Variants in KDM2A observed in about 807,000 individuals in gnomAD.
KDM2A encodes the protein lysine-specific demethylase 2A.
Under a neutral mutation model 137.3 loss-of-function variants are expected in KDM2A, and 3 were observed. The ratio of observed to expected loss-of-function variants is 0.02; its 90% confidence interval spans 0.01 to 0.06. The LOEUF (loss-of-function observed/expected upper bound fraction) is 0.06, where lower values mean the gene tolerates loss of function less well. KDM2A is among the 10% of genes least tolerant of loss of function. The pLI, the probability that KDM2A is intolerant of heterozygous loss-of-function variation, is 1.00. For missense variants in KDM2A, 738 were observed against 1,510.6 expected (o/e 0.49, Z 8.48); for synonymous variants, 512 against 541.5 (o/e 0.95, Z 0.76).
intron 8 of KDM2A, among the ~76,000 whole-genome samples, chr11:67,216,501 T>A (rs572089768): frequency 1.3e-5 from 2 of 152,352 alleles, no homozygotes; most frequent in Non-Finnish European, 2.9e-5. Context: ...AGAATGGAAA[T>A]CTAGAATTAA....
intron 2 of KDM2A, among the ~76,000 whole-genome samples, chr11:67,168,620 C>T (rs1031488553): frequency 0.026 from 3,464 of 133,680 alleles, 540 homozygotes; most frequent in African/African-American, 0.091. Flanking sequence ...CACACACACA[C>T]ACACACACAC....
intron 5 of KDM2A, among the ~76,000 whole-genome samples, chr11:67,186,910 C>A (rs938028927): frequency 6.6e-6 from 1 of 152,024 alleles, no homozygotes; most frequent in African/African-American, 2.4e-5. Flanking sequence ...TCTTCCACCC[C>A]ATGAATGAAT....
chr11:67,253,223 G>A (rs1300558587), intron 18 of KDM2A, among the ~76,000 whole-genome samples: 1 of 152,176 alleles, frequency 6.6e-6, no homozygotes, highest in African/African-American at 2.4e-5. Flanking sequence ...AAGACAGGAA[G>A]TCACTCCTTC....
chr11:67,121,086 G>A (rs1565366041), intron 1 of KDM2A, 148 bp from the exon 2 acceptor site: 2 of 532,684 alleles, frequency 3.8e-6, no homozygotes, highest in East Asian at 6.0e-5. Context: ...GGAACCACTT[G>A]CCCAAGAGCA....
chr11:67,202,949 T>A (rs962657694), intron 5 of KDM2A, among the ~76,000 whole-genome samples: 4 of 149,438 alleles, frequency 2.7e-5, no homozygotes. Flanking sequence ...GAGCTGTGAT[T>A]GCACCAGTGC....
At chr11:67,218,777 A>T (rs1858245124) in intron 9 of KDM2A, among the ~76,000 whole-genome samples, 1 of 151,824 alleles carries the variant, frequency 6.6e-6, no homozygotes, top group African/African-American at 2.4e-5. Context: ...TGCCCAGCTA[A>T]TTTTTGTATT....
At chr11:67,127,985 C>T (rs541133035) in intron 2 of KDM2A, among the ~76,000 whole-genome samples, 4 of 143,964 alleles carry the variant, frequency 2.8e-5, no homozygotes, top group East Asian at 4.1e-4. Flanking sequence ...GCTGGGATTA[C>T]AGTTGTGAGC....
rs1353043992 is a variant in KDM2A at position 67,207,697 on chromosome 11, AATC to A, written c.486+12_486+14del. 1 of 1,582,254 alleles carries A rather than the reference AATC, an allele frequency of 6.3e-7. No homozygotes were observed. Among genetic ancestry groups the A allele is most frequent in the Admixed American group, 1.8e-5 (1 of 56,486 alleles). On this transcript the variant is annotated intron_variant, in intron 6 of 20. Transcript: ENST00000529006. Reference sequence around the variant, plus strand: ...TGCAGAGGCCCTCCACGGTTAGTGTAATCATTTTCTTCATATTGTCATTGTCAC... The same window carrying A: ...TGCAGAGGCCCTCCACGGTTAGTGTAATTTTCTTCATATTGTCATTGTCAC...
intron 6 of KDM2A, among the ~76,000 whole-genome samples, chr11:67,211,057 A>AAAAC (rs537859986): frequency 2.0e-5 from 3 of 152,242 alleles, no homozygotes; most frequent in East Asian, 1.9e-4. Context: ...ACCCTATTTC[A>AAAAC]AAACAAACAA....
intron 12 of KDM2A, among the ~76,000 whole-genome samples, chr11:67,239,658 G>C (rs1163638721): frequency 6.6e-6 from 1 of 152,202 alleles, no homozygotes. Context: ...AAGTGTGTGT[G>C]CAGTCAGCCA....
At chr11:67,215,770 T>C in intron 7 of KDM2A, 86 bp from the exon 8 acceptor site, 2 of 903,620 alleles carry the variant, frequency 2.2e-6, no homozygotes, top group South Asian at 2.7e-5. Context: ...ATAAAGGGAG[T>C]ATATAAGAGG....
At chr11:67,236,192 G>A (rs560399927) in intron 12 of KDM2A, among the ~76,000 whole-genome samples, 16 of 152,122 alleles carry the variant, frequency 1.1e-4, no homozygotes, top group Non-Finnish European at 1.2e-4. Context: ...GTGCAGTGGC[G>A]TGATCTAGGC....
At chr11:67,231,493 T>TA in intron 11 of KDM2A, 73 bp from the exon 12 acceptor site, 1 of 1,367,558 alleles carries the variant, frequency 7.3e-7, no homozygotes, top group East Asian at 2.5e-5. Context: ...GCCCCTATCA[T>TA]GCCACCTATT....
At position 67,156,568 on chromosome 11, in the gene KDM2A, A is replaced by G. The variant is rs549443065; in HGVS notation, c.43-23511A>G. ...CCGTCTCTACTAGAAAAATACAGAAAATTAGCCGGGCGTGGTGGTAGGCGC... is the reference window on the plus strand; with the variant it reads ...CCGTCTCTACTAGAAAAATACAGAAGATTAGCCGGGCGTGGTGGTAGGCGC... On this transcript the variant is annotated intron_variant, in intron 2 of 20. Coordinates refer to ENST00000529006, the MANE Select transcript of KDM2A (RefSeq NM_012308.3). 9.6e-4 allele frequency among the ~76,000 whole-genome samples: 145 copies of G among 151,586 alleles called. 1 individual carries two copies. Among genetic ancestry groups the G allele is most frequent in the African/African-American group, 3.5e-3 (144 of 41,318 alleles).
intron 2 of KDM2A, among the ~76,000 whole-genome samples, chr11:67,134,215 A>G (rs941474133): frequency 1.3e-5 from 2 of 152,210 alleles, no homozygotes; most frequent in African/African-American, 4.8e-5. Context: ...TTTAAAGCAG[A>G]TTCTCAACTG....
chr11:67,191,811 A>T (rs924848313), intron 5 of KDM2A, among the ~76,000 whole-genome samples: 1 of 152,210 alleles, frequency 6.6e-6, no homozygotes. Context: ...CCTCTATTCA[A>T]TGTAGCACTG....
chr11:67,128,120 A>G (rs1855772660), intron 2 of KDM2A, among the ~76,000 whole-genome samples: 1 of 147,348 alleles, frequency 6.8e-6, no homozygotes, highest in Non-Finnish European at 1.5e-5. Context: ...CTCTTACCTC[A>G]GCCTCCTGAG....
Position 67,224,992 on chromosome 11 carries a change from C to A in KDM2A, c.958-3045C>A, listed in dbSNP as rs535377565. 2.6e-5 allele frequency among the ~76,000 whole-genome samples: 4 copies of A among 151,950 alleles called. No homozygotes were observed. In the East Asian group the frequency reaches 5.8e-4, roughly 22 times the overall value. ...GAGTAGCTGGGATTACAGGTATGCA[C>A]CACCACGCTAATTTTTGTATTTCTA... On this transcript the variant is annotated intron_variant, in intron 10 of 20. Coordinates refer to ENST00000529006, the MANE Select transcript of KDM2A (RefSeq NM_012308.3).
intron 2 of KDM2A, among the ~76,000 whole-genome samples, chr11:67,164,579 AG>A (rs1417693136): frequency 6.6e-6 from 1 of 150,874 alleles, no homozygotes; most frequent in African/African-American, 2.4e-5. Context: ...GGCCTCCTAA[AG>A]CACTAGGATT....
Sources: allele counts gnomAD v4.1 joint callset (sites outside exome capture counted in the v4.1 genomes callset), GRCh38; gene constraint gnomAD v4.1.1; transcripts MANE v1.5; gene names NCBI Gene and HGNC (gene_info 2026-07-23, HGNC 2026-07-21).